Variants in LRGUK observed in about 807,000 individuals in gnomAD.
The protein encoded by LRGUK is leucine-rich repeat and guanylate kinase domain-containing protein.
Under a neutral mutation model 76.0 loss-of-function variants are expected in LRGUK, and 65 were observed. That is an observed-to-expected ratio of 0.85 (90% CI 0.70 to 1.05). The LOEUF (loss-of-function observed/expected upper bound fraction) is 1.05, where lower values mean the gene tolerates loss of function less well. Ranked by LOEUF, LRGUK falls within the 50% of genes least tolerant of loss-of-function variation. LRGUK has a pLI of 0.00. For missense variants in LRGUK, 758 were observed against 732.8 expected, an observed-to-expected ratio of 1.03 and a Z score of -0.40; for synonymous variants, 268 against 265.6, an observed-to-expected ratio of 1.01 and a Z score of -0.09.
intron 11 of LRGUK, among the ~76,000 whole-genome samples, chr7:134,184,210 G>T (rs749137343): frequency 6.6e-6 from 1 of 151,896 alleles, no homozygotes; most frequent in Non-Finnish European, 1.5e-5. Context: ...TTGCTAAAGT[G>T]TACTCCTGGC....
At chr7:134,222,768 C>G (rs376580131) in intron 16 of LRGUK, among the ~76,000 whole-genome samples, 1 of 152,116 alleles carries the variant, frequency 6.6e-6, no homozygotes, top group South Asian at 2.1e-4. Context: ...GCCACCATGC[C>G]TAGCTAATTT....
chr7:134,242,575 A>C (rs1176845319), intron 16 of LRGUK, among the ~76,000 whole-genome samples: 1 of 152,134 alleles, frequency 6.6e-6, no homozygotes, highest in East Asian at 1.9e-4. Context: ...CCTACCAACC[A>C]AAAAAAGTCC....
intron 16 of LRGUK, among the ~76,000 whole-genome samples, chr7:134,231,318 A>G (rs1296613041): frequency 6.6e-6 from 1 of 152,204 alleles, no homozygotes; most frequent in Non-Finnish European, 1.5e-5. Context: ...TTATTGGCAG[A>G]TGAGTTCCTT....
Position 134,250,371 on chromosome 7 carries a change from G to A in LRGUK, c.2198+1295G>A, listed in dbSNP as rs1290240899. Among the ~76,000 whole-genome samples, 4 of 152,138 alleles carry A rather than the reference G, an allele frequency of 2.6e-5. No individual in the cohort carries two copies. In the East Asian group the frequency reaches 7.7e-4, roughly 29 times the overall value. ...CAAAATATTATGTTATTATCTTCTA[G>A]TGATAAGATTATGGCCAGTTTTTGT... On this transcript the variant is annotated intron_variant, in intron 18 of 19. Transcript: ENST00000285928.
At chr7:134,128,305 C>T (rs1797115809) in intron 1 of LRGUK, among the ~76,000 whole-genome samples, 1 of 152,206 alleles carries the variant, frequency 6.6e-6, no homozygotes, top group Non-Finnish European at 1.5e-5. Flanking sequence ...ATGTTCCCAT[C>T]ATCCCACCCA....
intron 6 of LRGUK, among the ~76,000 whole-genome samples, chr7:134,161,913 C>T (rs1285736230): frequency 1.3e-5 from 2 of 152,018 alleles, no homozygotes; most frequent in Non-Finnish European, 1.5e-5. Context: ...AGGATGGTCT[C>T]GATCTCCTGA....
chr7:134,248,812 G>A, intron 17 of LRGUK, 139 bp from the exon 18 acceptor site: 1 of 560,304 alleles, frequency 1.8e-6, no homozygotes, highest in Non-Finnish European at 2.7e-6. Flanking sequence ...GCATGTTTCT[G>A]AGTGGATATA....
intron 8 of LRGUK, 45 bp from the exon 9 acceptor site, chr7:134,176,932 G>A: frequency 8.5e-7 from 1 of 1,182,762 alleles, no homozygotes; most frequent in Non-Finnish European, 1.2e-6. Context: ...TTGTTGATTT[G>A]GGAAAAGGAA....
chr7:134,266,703 G>A (rs1200099056), downstream of LRGUK, among the ~76,000 whole-genome samples: 1 of 152,150 alleles, frequency 6.6e-6, no homozygotes, highest in Non-Finnish European at 1.5e-5. Flanking sequence ...GTCTAGAGGA[G>A]TACAAAAAGA....
chr7:134,218,169 G>C (rs1297608934), intron 15 of LRGUK, among the ~76,000 whole-genome samples: 2 of 152,096 alleles, frequency 1.3e-5, no homozygotes, highest in Non-Finnish European at 2.9e-5. Context: ...GCCAATGTTG[G>C]CCAGGCTGGT....
At chr7:134,234,893 G>A (rs1337377716) in intron 16 of LRGUK, among the ~76,000 whole-genome samples, 1 of 151,948 alleles carries the variant, frequency 6.6e-6, no homozygotes, top group Non-Finnish European at 1.5e-5. Flanking sequence ...TGTATCTGCA[G>A]TTATCAGGCC....
chr7:134,255,304 A>G (rs1462228066), intron 18 of LRGUK, among the ~76,000 whole-genome samples: 1 of 151,778 alleles, frequency 6.6e-6, no homozygotes, highest in African/African-American at 2.4e-5. Context: ...AAATGCTGTC[A>G]TTTTCCTCAT....
chr7:134,195,124 T>G (rs1585532962), intron 12 of LRGUK, among the ~76,000 whole-genome samples: 1 of 152,206 alleles, frequency 6.6e-6, no homozygotes, highest in African/African-American at 2.4e-5. Context: ...CAAGATCAGA[T>G]GAGCCAGTTT....
intron 12 of LRGUK, among the ~76,000 whole-genome samples, chr7:134,196,302 C>T (rs1033685453): frequency 6.7e-6 from 1 of 150,266 alleles, no homozygotes; most frequent in Non-Finnish European, 1.5e-5. Flanking sequence ...TTGCCCCACC[C>T]CTCCTTTTTT....
chr7:134,155,031 A>G (rs536723756), intron 5 of LRGUK, among the ~76,000 whole-genome samples: 3 of 152,340 alleles, frequency 2.0e-5, no homozygotes, highest in Admixed American at 6.5e-5. Flanking sequence ...TTATTCTGCC[A>G]TGATTCAGAG....
intron 17 of LRGUK, among the ~76,000 whole-genome samples, 164 bp downstream of exon 17, chr7:134,247,808 T>A (rs1802345221): frequency 6.6e-6 from 1 of 152,184 alleles, no homozygotes; most frequent in African/African-American, 2.4e-5. Flanking sequence ...TTCATTTGTA[T>A]ACATTTTTAA....
intron 16 of LRGUK, among the ~76,000 whole-genome samples, chr7:134,229,375 A>AATCTATCTATCT (rs3030442): frequency 0.011 from 1,695 of 147,544 alleles, 12 homozygotes; most frequent in East Asian, 0.018. Flanking sequence ...AAAAAAAAAA[A>AATCTATCTATCT]ATCTATCTAT....
chr7:134,276,037 C>T, the LRGUK span, among the ~76,000 whole-genome samples: 1 of 152,166 alleles, frequency 6.6e-6, no homozygotes, highest in South Asian at 2.1e-4. Context: ...ACCCTAAGAC[C>T]TTAAGTCAAA....
chr7:134,163,353 T>G (rs1798832468), intron 6 of LRGUK, 44 bp from the exon 7 acceptor site: 1 of 1,536,724 alleles, frequency 6.5e-7, no homozygotes, highest in South Asian at 1.2e-5. Flanking sequence ...CAACTTTTCC[T>G]TGAGAGGTCT....
Sources: gnomAD v4.1 joint callset for allele counts (sites outside exome capture counted in the v4.1 genomes callset) on GRCh38, gnomAD v4.1.1 for gene constraint, MANE v1.5 for transcripts, NCBI Gene and HGNC (gene_info 2026-07-23, HGNC 2026-07-21) for gene names.